The following NARS2 variants were observed in gnomAD, a reference collection of about 807,000 sequenced individuals.
The protein encoded by NARS2 is asparaginyl-tRNA synthetase 2, mitochondrial.
In NARS2, 60 loss-of-function variants were observed where a neutral mutation model predicts 62.9. That is an observed-to-expected ratio of 0.95 (90% CI 0.77 to 1.18). The LOEUF is 1.18. Ranked by LOEUF, NARS2 falls within the 50% of genes most tolerant of loss-of-function variation. NARS2 has a pLI of 0.00. For synonymous variants in NARS2, 196 were observed against 200.0 expected (o/e 0.98, Z 0.17); for missense variants, 619 against 576.4 (o/e 1.07, Z -0.76).
intron 6 of NARS2, among the ~76,000 whole-genome samples, chr11:78,504,075 T>C (rs1283670237): frequency 6.6e-6 from 1 of 152,188 alleles, no homozygotes; most frequent in South Asian, 2.1e-4. Flanking sequence ...ATCATACATA[T>C]ATTTTGGCTA....
chr11:78,568,492 A>C, intron 3 of NARS2, 140 bp downstream of exon 3: 1 of 1,033,688 alleles, frequency 9.7e-7, no homozygotes, highest in African/African-American at 1.6e-5. Context: ...TACTGCCTCT[A>C]CAGGTCATAT....
intron 5 of NARS2, among the ~76,000 whole-genome samples, chr11:78,542,253 AGAAT>A (rs1304501784): frequency 2.0e-5 from 3 of 152,230 alleles, no homozygotes; most frequent in Non-Finnish European, 4.4e-5. Context: ...AGTCTGAGAA[AGAAT>A]GAATCAAGAA....
chr11:78,571,052 A>G (rs548209467), intron 2 of NARS2, among the ~76,000 whole-genome samples: 48 of 152,328 alleles, frequency 3.2e-4, no homozygotes, highest in African/African-American at 9.6e-4. Context: ...AAATGCTATT[A>G]GGAAAGAGCA....
intron 5 of NARS2, among the ~76,000 whole-genome samples, chr11:78,551,486 T>C (rs1490577151): frequency 6.6e-6 from 1 of 152,250 alleles, no homozygotes; most frequent in African/African-American, 2.4e-5. Flanking sequence ...GCAATGTTGC[T>C]ATGCGGCACA....
At chr11:78,560,379 T>C (rs1856517850) in intron 4 of NARS2, among the ~76,000 whole-genome samples, 1 of 152,220 alleles carries the variant, frequency 6.6e-6, no homozygotes, top group African/African-American at 2.4e-5. Context: ...ACAAAAGCTG[T>C]TGCTAGTCAG....
intron 6 of NARS2, among the ~76,000 whole-genome samples, chr11:78,497,239 T>A (rs1860095838): frequency 1.3e-5 from 1 of 78,414 alleles, no homozygotes. Flanking sequence ...AAAAGCAAAA[T>A]TGAAAAAAAA....
chr11:78,501,043 G>A (rs927339491), intron 6 of NARS2, among the ~76,000 whole-genome samples: 4 of 152,138 alleles, frequency 2.6e-5, no homozygotes, highest in African/African-American at 9.7e-5. Context: ...AGTGAGCTGT[G>A]ATAATGTGAC....
intron 5 of NARS2, among the ~76,000 whole-genome samples, chr11:78,542,526 C>G (rs1171699842): frequency 1.3e-5 from 2 of 152,124 alleles, no homozygotes; most frequent in African/African-American, 2.4e-5. Flanking sequence ...TGGTCCTAGT[C>G]CGTTAACTAG....
intron 10 of NARS2, among the ~76,000 whole-genome samples, chr11:78,467,315 G>A (rs980281986): frequency 2.0e-5 from 3 of 152,230 alleles, no homozygotes; most frequent in African/African-American, 4.8e-5. Flanking sequence ...TTGGGAAGCC[G>A]AGGAGTGCTT....
chr11:78,485,172 G>C (rs1859516985), intron 7 of NARS2, among the ~76,000 whole-genome samples: 1 of 152,162 alleles, frequency 6.6e-6, no homozygotes, highest in African/African-American at 2.4e-5. Context: ...ACTCACAAGT[G>C]GGAGTTGAAC....
At chr11:78,539,244 T>A in intron 5 of NARS2, among the ~76,000 whole-genome samples, 1 of 150,904 alleles carries the variant, frequency 6.6e-6, no homozygotes, top group African/African-American at 2.4e-5. Context: ...ACAAGAAGAG[T>A]AGCTTGAATT....
intron 11 of NARS2, among the ~76,000 whole-genome samples, chr11:78,454,212 TTA>T (rs1591136772): frequency 1.3e-5 from 2 of 152,306 alleles, no homozygotes; most frequent in East Asian, 3.9e-4. Context: ...TCTCTCTTCC[TTA>T]TCTTTTCTTT....
At chr11:78,455,320 C>T (rs548469887) in intron 11 of NARS2, among the ~76,000 whole-genome samples, 3 of 152,164 alleles carry the variant, frequency 2.0e-5, no homozygotes, top group Non-Finnish European at 4.4e-5. Flanking sequence ...ATTTTAAAAA[C>T]ATTTGTTCAT....
intron 6 of NARS2, among the ~76,000 whole-genome samples, chr11:78,496,917 T>G (rs942541321): frequency 2.6e-5 from 4 of 152,118 alleles, no homozygotes; most frequent in Admixed American, 6.6e-5. Context: ...CTTTCTTTCT[T>G]TTTTCCTATC....
chr11:78,478,976 AT>A (rs1859230605), intron 7 of NARS2, among the ~76,000 whole-genome samples: 1 of 152,202 alleles, frequency 6.6e-6, no homozygotes, highest in Non-Finnish European at 1.5e-5. Context: ...GCCTCTCTAA[AT>A]TTCAATAAAC....
At chr11:78,482,279 C>T (rs932165910) in intron 7 of NARS2, among the ~76,000 whole-genome samples, 5 of 151,948 alleles carry the variant, frequency 3.3e-5, no homozygotes, top group African/African-American at 1.2e-4. Context: ...CACTAAATGC[C>T]CACATCAGAA....
At chr11:78,438,350 T>C (rs1857475293) in intron 13 of NARS2, among the ~76,000 whole-genome samples, 2 of 152,256 alleles carry the variant, frequency 1.3e-5, no homozygotes, top group South Asian at 4.1e-4. Context: ...ATAACTGAAA[T>C]GTTTAGTTGC....
At chr11:78,568,517 A>G in intron 3 of NARS2, 115 bp downstream of exon 3, 1 of 1,287,934 alleles carries the variant, frequency 7.8e-7, no homozygotes, top group Non-Finnish European at 1.1e-6. Flanking sequence ...TGTTTCAATT[A>G]TCTGTCACAA....
chr11:78,552,667 C>T (rs1856171028), intron 5 of NARS2, among the ~76,000 whole-genome samples: 2 of 152,164 alleles, frequency 1.3e-5, no homozygotes, highest in Non-Finnish European at 2.9e-5. Flanking sequence ...CCACTAGTCT[C>T]TTATCTACCT....
Sources: allele counts gnomAD v4.1 joint callset (sites outside exome capture counted in the v4.1 genomes callset), GRCh38; gene constraint gnomAD v4.1.1; transcripts MANE v1.5; gene names NCBI Gene and HGNC (gene_info 2026-07-23, HGNC 2026-07-21).